The following LARGE1 variants were observed in gnomAD, a reference collection of about 807,000 sequenced individuals.
LARGE1 encodes the protein LARGE xylosyl- and glucuronyltransferase 1.
Under a neutral mutation model 87.6 loss-of-function variants are expected in LARGE1, and 43 were observed. The ratio of observed to expected loss-of-function variants is 0.49; its 90% CI spans 0.38 to 0.63. The LOEUF (loss-of-function observed/expected upper bound fraction) is 0.63, where lower values mean the gene tolerates loss of function less well. Among genes scored for constraint, LARGE1 ranks in the 30% least tolerant of loss-of-function variants. The probability of loss-of-function intolerance (pLI) is 0.00; values close to 1 mark genes in which losing one functional copy is unlikely to be tolerated. For synonymous variants in LARGE1, 434 were observed against 394.6 expected (o/e 1.10, Z -1.18); for missense variants, 802 against 1,000.2 (o/e 0.80, Z 2.67).
chr22:33,806,941 C>T (rs1012150614), intron 1 of LARGE1, among the ~76,000 whole-genome samples: 2 of 152,070 alleles, frequency 1.3e-5, no homozygotes, highest in African/African-American at 2.4e-5. Context: ...ACCTGGTAGG[C>T]GGAGGTTGCA....
intron 2 of LARGE1, among the ~76,000 whole-genome samples, chr22:33,708,048 G>A (rs531643800): frequency 6.6e-6 from 1 of 152,300 alleles, no homozygotes. Context: ...CTGCTGAGAA[G>A]GATCCAGTCC....
At chr22:33,594,083 C>T (rs2078915471) in intron 5 of LARGE1, among the ~76,000 whole-genome samples, 2 of 152,156 alleles carry the variant, frequency 1.3e-5, no homozygotes, top group South Asian at 2.1e-4. Flanking sequence ...AATTACTATT[C>T]CTAAAAGAAG....
At chr22:33,851,278 G>A (rs945716199) in intron 1 of LARGE1, among the ~76,000 whole-genome samples, 4 of 152,144 alleles carry the variant, frequency 2.6e-5, no homozygotes, top group Admixed American at 6.5e-5. Flanking sequence ...CTAAACAAGC[G>A]ATTTACTCAA....
intron 5 of LARGE1, among the ~76,000 whole-genome samples, chr22:33,570,892 T>C (rs2078179493): frequency 6.6e-6 from 1 of 151,902 alleles, no homozygotes; most frequent in South Asian, 2.1e-4. Context: ...ATGGGGTCAA[T>C]GGAGAGAAGA....
chr22:33,450,627 ATAAATAAATAAAT>A (rs2067873996), intron 6 of LARGE1, among the ~76,000 whole-genome samples: 1 of 130,446 alleles, frequency 7.7e-6, no homozygotes, highest in Admixed American at 7.1e-5. Context: ...AAATAAATAA[ATAAATAAATAAAT>A]GGATCTCAAT....
intron 9 of LARGE1, among the ~76,000 whole-genome samples, chr22:33,364,941 C>T (rs920270648): frequency 6.6e-6 from 1 of 152,152 alleles, no homozygotes; most frequent in Admixed American, 6.5e-5. Flanking sequence ...AGCAATCCAC[C>T]TGCCTCAGCC....
intron 7 of LARGE1, among the ~76,000 whole-genome samples, chr22:33,411,346 C>T (rs1441341418): frequency 1.3e-5 from 2 of 152,208 alleles, no homozygotes; most frequent in Non-Finnish European, 2.9e-5. Context: ...ACACCTGGAC[C>T]TTTTAGTCAG....
At chr22:33,494,164 A>C (rs966765992) in intron 6 of LARGE1, among the ~76,000 whole-genome samples, 1 of 152,222 alleles carries the variant, frequency 6.6e-6, no homozygotes. Context: ...GCTGAGAGAA[A>C]GCTTTGCATA....
rs537070740 is a variant in LARGE1, at chr22:33,554,157, C to T, written c.787+10691G>A. On this transcript the variant is annotated intron_variant, in intron 6 of 14. Transcript: ENST00000397394. Reference sequence around the variant, plus strand: ...CTCCTCATGAGTTCTGCTCAGCATCCGTTCCGTTGCTCCCCCTCGCAAATC... The same window carrying T: ...CTCCTCATGAGTTCTGCTCAGCATCTGTTCCGTTGCTCCCCCTCGCAAATC... 2.1e-3 allele frequency among the ~76,000 whole-genome samples: 321 copies of T among 152,240 alleles called. 2 individuals are homozygous for T. The highest frequency in any genetic ancestry group is 7.1e-3 in the African/African-American group (296 of 41,550).
At chr22:33,219,498 T>C (rs144437435) in intron 11 of LARGE1, among the ~76,000 whole-genome samples, 46 of 152,318 alleles carry the variant, frequency 3.0e-4, no homozygotes, top group African/African-American at 1.0e-3. Flanking sequence ...ATGAATGATA[T>C]TGTCTCCTTC....
At chr22:33,908,236 CCT>C (rs1187343645) in intron 1 of LARGE1, among the ~76,000 whole-genome samples, 1 of 152,110 alleles carries the variant, frequency 6.6e-6, no homozygotes, top group East Asian at 1.9e-4. Flanking sequence ...TAGAAGATCC[CCT>C]GAGATGCAGT....
chr22:33,616,120 A>G (rs2079572975), intron 4 of LARGE1, among the ~76,000 whole-genome samples: 1 of 152,094 alleles, frequency 6.6e-6, no homozygotes, highest in Admixed American at 6.5e-5. Flanking sequence ...CAAAAAATTA[A>G]GCATAAAAAT....
At chr22:33,535,228 C>G (rs533758689) in intron 6 of LARGE1, among the ~76,000 whole-genome samples, 79 of 152,292 alleles carry the variant, frequency 5.2e-4, no homozygotes, top group African/African-American at 8.7e-4. Flanking sequence ...CGGAGCCACG[C>G]TGATGCTGTG....
In LARGE1 at chr22:33,432,272, G is replaced by C; in HGVS notation, c.788-7C>G. On this transcript the variant is annotated splice_region_variant and splice_polypyrimidine_tract_variant and intron_variant, in intron 6 of 14. Transcript: ENST00000397394. ...AAGCCCAGGACTTGCTGACCTGTGA[G>C]GTACAGAGAATACAAACATCTTAAA... The C allele has an allele frequency of 6.2e-7, 1 of 1,608,146 alleles. No individual in the cohort carries two copies. Among genetic ancestry groups the C allele is most frequent in the Non-Finnish European group, 8.5e-7 (1 of 1,174,590 alleles).
chr22:33,231,402 A>G (rs1378920229), intron 11 of LARGE1, among the ~76,000 whole-genome samples: 4 of 152,240 alleles, frequency 2.6e-5, no homozygotes, highest in Non-Finnish European at 4.4e-5. Flanking sequence ...CTAACTATAG[A>G]AATAAAATTA....
chr22:33,694,477 T>C (rs934228140), intron 2 of LARGE1, among the ~76,000 whole-genome samples: 4 of 152,224 alleles, frequency 2.6e-5, no homozygotes, highest in African/African-American at 7.2e-5. Context: ...GGTTGAATCA[T>C]TGTGCGCCTA....
intron 6 of LARGE1, among the ~76,000 whole-genome samples, chr22:33,455,101 G>A (rs1382578552): frequency 1.3e-5 from 2 of 152,226 alleles, no homozygotes; most frequent in African/African-American, 2.4e-5. Context: ...GTGTGTTTAA[G>A]ACTTGACCCA....
the LARGE1 span, among the ~76,000 whole-genome samples, chr22:33,144,191 C>A: frequency 3.9e-5 from 6 of 151,934 alleles, no homozygotes; most frequent in Non-Finnish European, 7.4e-5. Flanking sequence ...TGATTTCATG[C>A]CCAAAAAAGT....
Position 33,686,085 on chromosome 22 carries a change from C to G in LARGE1, c.107-35417G>C, listed in dbSNP as rs1272107498. Among the ~76,000 whole-genome samples, 6 of 152,160 alleles carry G rather than the reference C, an allele frequency of 3.9e-5. No homozygotes were observed. The South Asian group carries it at 1.0e-3, about 26-fold the overall frequency. On this transcript the variant is annotated intron_variant, in intron 2 of 14. Coordinates refer to ENST00000397394, the MANE Select transcript of LARGE1 (RefSeq NM_133642.5). ...TCACTGAGAGTTCAAAAAAATGCAG[C>G]AAGCCATGGCAAATTAAATCAGCCG...
Sources: allele counts gnomAD v4.1 joint callset (sites outside exome capture counted in the v4.1 genomes callset), GRCh38; gene constraint gnomAD v4.1.1; transcripts MANE v1.5; gene names NCBI Gene and HGNC (gene_info 2026-07-23, HGNC 2026-07-21).